MED12L: variants seen among roughly 807,000 people sequenced by gnomAD.
The protein encoded by MED12L is mediator of RNA polymerase II transcription subunit 12-like protein.
Under a neutral mutation model 281.3 loss-of-function variants are expected in MED12L, and 60 were observed. The observed-to-expected ratio is 0.21, with a 90% confidence interval of 0.17 to 0.26. The LOEUF (loss-of-function observed/expected upper bound fraction) is 0.26. MED12L is among the 10% of genes least tolerant of loss of function. The probability of loss-of-function intolerance (pLI) is 1.00; values close to 1 mark genes in which losing one functional copy is unlikely to be tolerated. For missense variants in MED12L, 2,146 were observed against 2,680.9 expected (o/e 0.80, Z 4.41); for synonymous variants, 974 against 987.2 (o/e 0.99, Z 0.25).
intron 37 of MED12L, among the ~76,000 whole-genome samples, chr3:151,389,697 A>G (rs1455888118): frequency 1.3e-5 from 2 of 152,180 alleles, no homozygotes; most frequent in South Asian, 2.1e-4. Context: ...CAGTATTGGT[A>G]TTCCTGACAC....
intron 4 of MED12L, among the ~76,000 whole-genome samples, chr3:151,124,312 T>C (rs149697913): frequency 6.0e-4 from 92 of 152,344 alleles, no homozygotes; most frequent in African/African-American, 2.1e-3. Flanking sequence ...TAGCCATTAT[T>C]CTTCTTTCTT....
At chr3:151,190,170 C>A (rs1723784016) in intron 13 of MED12L, among the ~76,000 whole-genome samples, 1 of 151,244 alleles carries the variant, frequency 6.6e-6, no homozygotes, top group Non-Finnish European at 1.5e-5. Flanking sequence ...TTCAGGACTA[C>A]TATCTTTTTT....
At chr3:151,199,527 C>T in intron 16 of MED12L, 1 of 680,170 alleles carries the variant, frequency 1.5e-6, no homozygotes. Flanking sequence ...ATACCGTTGT[C>T]TTTCCAGTTC....
chr3:151,330,157 A>T (rs1193878161), intron 16 of MED12L, among the ~76,000 whole-genome samples: 1 of 152,174 alleles, frequency 6.6e-6, no homozygotes, highest in Non-Finnish European at 1.5e-5. Flanking sequence ...GGGTTTGAAA[A>T]TAGTATCTAA....
At chr3:151,414,094 C>T (rs1042238673) in intron 42 of MED12L, among the ~76,000 whole-genome samples, 6 of 152,086 alleles carry the variant, frequency 3.9e-5, no homozygotes, top group Middle Eastern at 3.2e-3. Context: ...TCAAGTGATC[C>T]GCCCACCTCG....
At chr3:151,169,674 GTAT>G (rs1721185681) in intron 11 of MED12L, among the ~76,000 whole-genome samples, 2 of 152,154 alleles carry the variant, frequency 1.3e-5, no homozygotes, top group Admixed American at 6.5e-5. Flanking sequence ...GCAATTATTA[GTAT>G]TATACTGGAA....
rs776561323 is a variant in MED12L, at chr3:151,199,134, A to G, written c.2250+5468A>G. ...AGGCAGGCTGTTACTTGGCAGTGGA[A>G]TATCTTCAGCTTCCAAGGTGCCACA... On this transcript the variant is annotated intron_variant, in intron 16 of 44. Transcript: ENST00000687756. The G allele has an allele frequency of 1.2e-6, 2 of 1,614,172 alleles. No homozygotes were observed. The highest frequency in any genetic ancestry group is 1.7e-6 in the Non-Finnish European group (2 of 1,179,994).
At chr3:151,096,656 TG>T (rs201747119) in intron 2 of MED12L, among the ~76,000 whole-genome samples, 1,704 of 152,002 alleles carry the variant, frequency 0.011, 8 homozygotes, top group Non-Finnish European at 0.017. Context: ...TCTGCTATTT[TG>T]GGGGGGGAAG....
intron 16 of MED12L, among the ~76,000 whole-genome samples, chr3:151,259,256 G>T (rs1738418084): frequency 6.6e-6 from 1 of 152,162 alleles, no homozygotes; most frequent in African/African-American, 2.4e-5. Context: ...TCAACCTCTG[G>T]CTTTCCTTCA....
In MED12L at chr3:151,388,297, A is replaced by G. The variant is rs187087266; in HGVS notation, c.5451+125A>G. ...TAAGTTTTGTTATGACAGTTCTCCT[A>G]ACAGGTTTCTGCATTAACTGAATGG... On this transcript the variant is annotated intron_variant, in intron 37 of 44. Transcript: ENST00000687756. 36 of 1,221,122 alleles carry G rather than the reference A, an allele frequency of 2.9e-5. No individual in the cohort carries two copies. The Admixed American group carries it at 6.1e-4, about 21-fold the overall frequency. 75.6% of individuals were successfully genotyped at this position (1,221,122 alleles called of 1,614,324 possible). A position where few individuals can be genotyped will look rare whatever the true frequency, so the allele number is the denominator to read the frequency against.
intron 8 of MED12L, 67 bp downstream of exon 8, chr3:151,160,168 C>A: frequency 7.1e-7 from 1 of 1,400,540 alleles, no homozygotes. Flanking sequence ...TTGGGAATGG[C>A]ATTTTCAATT....
At chr3:151,330,861 G>A (rs893016167) in intron 16 of MED12L, among the ~76,000 whole-genome samples, 1 of 152,000 alleles carries the variant, frequency 6.6e-6, no homozygotes, top group Non-Finnish European at 1.5e-5. Context: ...AAACATAAAT[G>A]TATATCTTTT....
intron 16 of MED12L, chr3:151,328,610 A>T (rs138841969): frequency 1.2e-6 from 2 of 1,613,848 alleles, no homozygotes; most frequent in Non-Finnish European, 8.5e-7. Context: ...AATATTTCTC[A>T]AAGGTCTGAT....
At chr3:151,374,694 C>T (rs1341847660) in intron 27 of MED12L, among the ~76,000 whole-genome samples, 1 of 152,152 alleles carries the variant, frequency 6.6e-6, no homozygotes, top group Non-Finnish European at 1.5e-5. Context: ...GAACTTTTCC[C>T]ATCCCTATGA....
At chr3:151,171,349 G>C (rs1258801987) in intron 11 of MED12L, among the ~76,000 whole-genome samples, 1 of 152,116 alleles carries the variant, frequency 6.6e-6, no homozygotes, top group Non-Finnish European at 1.5e-5. Context: ...CTCTGTTTGG[G>C]ATGAGTGTGA....
chr3:151,195,559 A>G (rs1253125127), intron 16 of MED12L, among the ~76,000 whole-genome samples: 10 of 152,306 alleles, frequency 6.6e-5, no homozygotes, highest in Non-Finnish European at 1.5e-4. Flanking sequence ...GACATTATTC[A>G]TTTATAATAT....
intron 2 of MED12L, among the ~76,000 whole-genome samples, chr3:151,113,194 A>G (rs1242201460): frequency 6.6e-6 from 1 of 152,186 alleles, no homozygotes; most frequent in Non-Finnish European, 1.5e-5. Flanking sequence ...TTTGAGCAAA[A>G]AGTTAAGGTG....
At chr3:151,144,999 T>G (rs1237686947) in intron 5 of MED12L, among the ~76,000 whole-genome samples, 1 of 152,230 alleles carries the variant, frequency 6.6e-6, no homozygotes, top group Non-Finnish European at 1.5e-5. Context: ...CATGTAAGTT[T>G]GCTTTCTTCT....
intron 16 of MED12L, among the ~76,000 whole-genome samples, chr3:151,240,038 CT>C (rs11366541): frequency 0.86 from 126,306 of 146,934 alleles, 54,308 homozygotes; most frequent in African/African-American, 0.94. Flanking sequence ...TTTCTCCCAC[CT>C]TTTTTTTTTT....
Sources: allele counts gnomAD v4.1 joint callset (sites outside exome capture counted in the v4.1 genomes callset), GRCh38; gene constraint gnomAD v4.1.1; transcripts MANE v1.5; gene names NCBI Gene and HGNC (gene_info 2026-07-23, HGNC 2026-07-21).